The following FGF12 variants were observed in gnomAD, a reference collection of about 807,000 sequenced individuals.
The protein encoded by FGF12 is fibroblast growth factor 12.
A neutral mutation model predicts 23.6 loss-of-function variants in FGF12; 14 were observed. The observed-to-expected ratio is 0.59, with a 90% CI of 0.39 to 0.93. The LOEUF is 0.93. Among genes scored for constraint, FGF12 ranks in the 40% least tolerant of loss-of-function variants. The pLI is 0.00. For missense variants in FGF12, 175 were observed against 217.8 expected, an observed-to-expected ratio of 0.80 and a Z score of 1.24; for synonymous variants, 62 against 77.3, an observed-to-expected ratio of 0.80 and a Z score of 1.04.
intron 2 of FGF12, among the ~76,000 whole-genome samples, chr3:192,576,884 G>T (rs1712919458): frequency 1.3e-5 from 2 of 152,152 alleles, no homozygotes; most frequent in South Asian, 4.1e-4. Flanking sequence ...CCATAAAAAA[G>T]GACGAGTTCA....
chr3:192,164,593 GA>G (rs1715057072), intron 5 of FGF12, among the ~76,000 whole-genome samples: 1 of 152,020 alleles, frequency 6.6e-6, no homozygotes, highest in South Asian at 2.1e-4. Context: ...AGACATATGT[GA>G]AAAACAAATA....
At chr3:192,521,397 A>T (rs1194418645) in intron 2 of FGF12, 2 of 152,228 alleles carry the variant, frequency 1.3e-5, no homozygotes, top group Non-Finnish European at 2.9e-5. Context: ...GAAAACTTTA[A>T]AGATGAGTTA....
chr3:192,278,313 A>C (rs530609996), intron 4 of FGF12, among the ~76,000 whole-genome samples: 1 of 152,336 alleles, frequency 6.6e-6, no homozygotes, highest in Non-Finnish European at 1.5e-5. Flanking sequence ...TCTACAAGGA[A>C]GACATAGAAA....
intron 4 of FGF12, among the ~76,000 whole-genome samples, chr3:192,193,956 C>G (rs955827352): frequency 1.3e-5 from 2 of 152,122 alleles, no homozygotes; most frequent in Non-Finnish European, 1.5e-5. Flanking sequence ...CATACTGGGC[C>G]AGCAGGGATG....
At chr3:192,332,468 C>T (rs990525900) in intron 4 of FGF12, among the ~76,000 whole-genome samples, 2 of 151,936 alleles carry the variant, frequency 1.3e-5, no homozygotes, top group East Asian at 1.9e-4. Flanking sequence ...TATCCAGATA[C>T]ATCAATAATC....
chr3:192,486,864 CT>C (rs1055074630), intron 2 of FGF12, among the ~76,000 whole-genome samples: 1 of 152,072 alleles, frequency 6.6e-6, no homozygotes, highest in African/African-American at 2.4e-5. Context: ...CCAAAACTGT[CT>C]TAAAAGGAAC....
chr3:192,677,146 C>T (rs188969983), intron 2 of FGF12, among the ~76,000 whole-genome samples: 62 of 152,308 alleles, frequency 4.1e-4, no homozygotes, highest in African/African-American at 1.5e-3. Context: ...AAAGTCCACA[C>T]CTCAACACAT....
chr3:192,687,453 G>A lies in FGF12; in HGVS notation c.13+39728C>T, dbSNP rs958486315. On this transcript the variant is annotated intron_variant, in intron 2 of 5. Coordinates refer to ENST00000445105, the MANE Select transcript of FGF12 (RefSeq NM_004113.6). ...GCAGAACTTTGACTCTGCCTGGTAG[G>A]TGGGATAAGGTCCAATAGTGACTGA... Among the ~76,000 whole-genome samples the A allele has an allele frequency of 3.3e-4, 50 of 152,148 alleles. 1 individual carries two copies. The highest frequency in any genetic ancestry group is 7.3e-5 in the Non-Finnish European group (5 of 68,034).
At chr3:192,209,361 G>A (rs1412825335) in intron 4 of FGF12, among the ~76,000 whole-genome samples, 2 of 152,236 alleles carry the variant, frequency 1.3e-5, no homozygotes, top group Admixed American at 1.3e-4. Context: ...ATAGAAAGCT[G>A]GGTTCCTAGT....
chr3:192,645,009 G>T (rs528652232), intron 2 of FGF12, among the ~76,000 whole-genome samples: 90 of 152,250 alleles, frequency 5.9e-4, no homozygotes, highest in African/African-American at 2.0e-3. Context: ...GTGGGTGAAG[G>T]AAACCTTATG....
At chr3:192,652,298 C>T (rs1376754457) in intron 2 of FGF12, among the ~76,000 whole-genome samples, 2 of 152,062 alleles carry the variant, frequency 1.3e-5, no homozygotes, top group Non-Finnish European at 2.9e-5. Context: ...AGGAGTATTT[C>T]AATAGGGAGC....
chr3:192,369,013 C>T (rs1248456661), intron 2 of FGF12, among the ~76,000 whole-genome samples: 2 of 152,142 alleles, frequency 1.3e-5, no homozygotes, highest in African/African-American at 4.8e-5. Context: ...ATCACTTCCT[C>T]TTCAAAGCTC....
At chr3:192,420,531 G>A (rs1721491971) in intron 2 of FGF12, among the ~76,000 whole-genome samples, 1 of 152,144 alleles carries the variant, frequency 6.6e-6, no homozygotes, top group Admixed American at 6.5e-5. Context: ...CCACGGTAAT[G>A]AGTGAGTTCT....
intron 4 of FGF12, among the ~76,000 whole-genome samples, chr3:192,297,514 G>A (rs937224421): frequency 6.6e-5 from 10 of 152,218 alleles, no homozygotes; most frequent in Middle Eastern, 3.4e-3. Context: ...AGTTTAATAC[G>A]TCAATGCAGG....
At chr3:192,166,341 G>A (rs6800710) in intron 5 of FGF12, among the ~76,000 whole-genome samples, 2,982 of 152,216 alleles carry the variant, frequency 0.02, 97 homozygotes, top group African/African-American at 0.068. Flanking sequence ...TAATCTGCAA[G>A]AACTTTTATT....
intron 2 of FGF12, among the ~76,000 whole-genome samples, chr3:192,606,106 C>T (rs1377918569): frequency 6.6e-6 from 1 of 152,142 alleles, no homozygotes; most frequent in East Asian, 1.9e-4. Context: ...CAATAGCAAA[C>T]ACATGAAATC....
chr3:192,334,631 A>T (rs929474115), intron 4 of FGF12, among the ~76,000 whole-genome samples: 1 of 152,114 alleles, frequency 6.6e-6, no homozygotes. Context: ...ACTTTAAAAT[A>T]TGTCAGTGCT....
intron 2 of FGF12, among the ~76,000 whole-genome samples, chr3:192,567,797 CTTTCTCTT>C (rs1390192564): frequency 8.9e-5 from 12 of 134,202 alleles, no homozygotes; most frequent in African/African-American, 2.8e-4. Flanking sequence ...TTCTTTCTTT[CTTTCTCTT>C]TCTTTCTTTC....
At chr3:192,512,859 T>TATAAAA (rs376386122) in intron 2 of FGF12, among the ~76,000 whole-genome samples, 3 of 57,434 alleles carry the variant, frequency 5.2e-5, no homozygotes, top group Admixed American at 3.9e-4. Flanking sequence ...TATATATATA[T>TATAAAA]AACAGGCTAT....
Sources: gnomAD v4.1 joint callset for allele counts (sites outside exome capture counted in the v4.1 genomes callset) on GRCh38, gnomAD v4.1.1 for gene constraint, MANE v1.5 for transcripts, NCBI Gene and HGNC (gene_info 2026-07-23, HGNC 2026-07-21) for gene names.